LIX1: variants seen among roughly 807,000 people sequenced by gnomAD.
LIX1 encodes protein limb expression 1 homolog.
In LIX1, 24 loss-of-function variants were observed where a neutral mutation model predicts 33.4. The observed-to-expected ratio is 0.72, with a 90% CI of 0.52 to 1.01. LIX1 has a LOEUF of 1.01. Ranked by LOEUF, LIX1 falls within the 50% of genes least tolerant of loss-of-function variation. The pLI is 0.00. For synonymous variants in LIX1, 124 were observed against 124.0 expected (o/e 1.00, Z 0.00); for missense variants, 311 against 339.2 (o/e 0.92, Z 0.65).
rs754628104 is a variant in LIX1 at position 97,094,944 on chromosome 5, G to T, written c.653C>A (p.Pro218Gln). Residue 218 changes from proline to glutamine, a missense_variant, in exon 6 of 6, where the codon CCA (proline) becomes CAA (glutamine). Physicochemically the swap from Pro to Gln is moderately conservative, Grantham distance 76. Coordinates refer to ENST00000274382, the MANE Select transcript of LIX1 (RefSeq NM_153234.5). ...TCGTAGCTCTTGAGAGACAATTCCT[G>T]GTGAGTCCCGCTCCTTCATGATCCA... The part of the protein sequence containing the change: ...LDWIMKERDS[P>Q]GIVSQELRMA... 1 of 1,614,044 alleles carries T rather than the reference G, an allele frequency of 6.2e-7. No individual in the cohort carries two copies. The highest frequency in any genetic ancestry group is 8.5e-7 in the Non-Finnish European group (1 of 1,180,038).
chr5:97,111,343 G>A (rs1010889747), intron 2 of LIX1, among the ~76,000 whole-genome samples: 2 of 152,076 alleles, frequency 1.3e-5, no homozygotes, highest in African/African-American at 4.8e-5. Context: ...TTTTTTAAAT[G>A]AGCGCAATTT....
In LIX1 at chr5:97,091,909, T is replaced by G. The variant is rs866853445; in HGVS notation, c.*2839A>C. The G allele has an allele frequency of 2.6e-5, 4 of 152,502 alleles. 1 individual carries two copies. Among genetic ancestry groups the G allele is most frequent in the Middle Eastern group, 3.4e-3 (1 of 294 alleles). The allele number at this position is 152,502 out of a possible 1,614,324, so 9.4% of individuals were successfully genotyped here. A position where few individuals can be genotyped will look rare whatever the true frequency, so the allele number is the denominator to read the frequency against. On this transcript the variant is annotated 3_prime_UTR_variant, in exon 6 of 6. Transcript: ENST00000274382. The stretch of plus-strand genomic sequence containing the variant: ...ACGACTTTATTAAATCTGTACTTTC[T>G]GACCCATTTATCCAAGTTTAGTGAC...
At chr5:97,128,016 C>G (rs1747972599) in intron 1 of LIX1, among the ~76,000 whole-genome samples, 1 of 152,164 alleles carries the variant, frequency 6.6e-6, no homozygotes, top group African/African-American at 2.4e-5. Flanking sequence ...GTGCTCAAAA[C>G]AACTATTAAG....
chr5:97,109,741 C>A (rs187743267), intron 2 of LIX1, among the ~76,000 whole-genome samples: 2 of 151,792 alleles, frequency 1.3e-5, no homozygotes, highest in Non-Finnish European at 2.9e-5. Context: ...CCCTCACCCC[C>A]CTCCCAATCT....
At chr5:97,131,239 G>C (rs190279013) in intron 1 of LIX1, among the ~76,000 whole-genome samples, 130 of 147,136 alleles carry the variant, frequency 8.8e-4, no homozygotes, top group Admixed American at 7.3e-3. Context: ...CTGAACACAT[G>C]TTGCTTATTT....
At chr5:97,141,404 A>G (rs189207144) in intron 1 of LIX1, among the ~76,000 whole-genome samples, 1 of 152,380 alleles carries the variant, frequency 6.6e-6, no homozygotes, top group East Asian at 1.9e-4. Context: ...AGAGAGCTAG[A>G]GAAAGAAAAG....
At chr5:97,112,033 A>G (rs1580226992) in intron 2 of LIX1, among the ~76,000 whole-genome samples, 1 of 152,252 alleles carries the variant, frequency 6.6e-6, no homozygotes, top group Non-Finnish European at 1.5e-5. Flanking sequence ...TGAGCCATCA[A>G]AGGGCTTTTC....
chr5:97,094,504 T>C lies in LIX1; in HGVS notation c.*244A>G, dbSNP rs772799136. Reference sequence around the variant, plus strand: ...CTGGAAAATGTTTTTCAAACAATTTTGTGTCTATCCTTTCATCCTGAGCTG... The same window carrying C: ...CTGGAAAATGTTTTTCAAACAATTTCGTGTCTATCCTTTCATCCTGAGCTG... On this transcript the variant is annotated 3_prime_UTR_variant, in exon 6 of 6. Coordinates refer to ENST00000274382, the MANE Select transcript of LIX1 (RefSeq NM_153234.5). 1.9e-4 allele frequency: 94 copies of C among 482,724 alleles called. No homozygotes were observed. The highest frequency in any genetic ancestry group is 3.1e-4 in the Non-Finnish European group (85 of 273,804). 29.9% of individuals were successfully genotyped at this position (482,724 alleles called of 1,614,324 possible).
chr5:97,129,022 CT>C (rs1747995639), intron 1 of LIX1, among the ~76,000 whole-genome samples: 1 of 152,156 alleles, frequency 6.6e-6, no homozygotes, highest in Non-Finnish European at 1.5e-5. Context: ...TGAATAACTC[CT>C]TGGCAAGGCA....
intron 1 of LIX1, among the ~76,000 whole-genome samples, chr5:97,139,731 G>A (rs1003238143): frequency 6.6e-5 from 10 of 152,152 alleles, no homozygotes; most frequent in African/African-American, 2.4e-4. Context: ...TTCAAATTGG[G>A]AGTCCATCTT....
chr5:97,097,959 C>T (rs316188), intron 4 of LIX1, among the ~76,000 whole-genome samples: 3 of 152,008 alleles, frequency 2.0e-5, no homozygotes, highest in Non-Finnish European at 2.9e-5. Context: ...ATGACCAATC[C>T]ATTTTTGTCC....
At chr5:97,110,923 G>C (rs1747356345) in intron 2 of LIX1, among the ~76,000 whole-genome samples, 1 of 152,152 alleles carries the variant, frequency 6.6e-6, no homozygotes, top group African/African-American at 2.4e-5. Context: ...TAGGCAACTT[G>C]TATGAAACCA....
chr5:97,136,763 T>G (rs992141446), intron 1 of LIX1, among the ~76,000 whole-genome samples: 3 of 151,976 alleles, frequency 2.0e-5, no homozygotes, highest in African/African-American at 7.2e-5. Flanking sequence ...ACCGAAACCA[T>G]AATTCAAACA....
Position 97,094,905 on chromosome 5 carries a change from T to G in LIX1, c.692A>C (p.Gln231Pro). The G allele has an allele frequency of 1.2e-6, 2 of 1,614,182 alleles. No individual in the cohort carries two copies. The highest frequency in any genetic ancestry group is 1.7e-6 in the Non-Finnish European group (2 of 1,180,020). Residue 231 changes from glutamine to proline, a missense_variant, in exon 6 of 6, where the codon CAG becomes CCG. Transcript: ENST00000274382. ...VSQELRMALR[Q>P]LEEARKAGQE... ...TCCTGCTTTCCTGGCTTCCTCCAAC[T>G]GCCTCAGGGCCATTCGTAGCTCTTG...
chr5:97,100,854 T>A (rs1746655288), intron 4 of LIX1, among the ~76,000 whole-genome samples: 2 of 151,472 alleles, frequency 1.3e-5, no homozygotes, highest in Non-Finnish European at 2.9e-5. Flanking sequence ...ATCATGAGTT[T>A]GTGCCCAGCC....
intron 1 of LIX1, among the ~76,000 whole-genome samples, chr5:97,139,577 G>A (rs187952456): frequency 6.6e-6 from 1 of 152,212 alleles, no homozygotes; most frequent in Admixed American, 6.5e-5. Context: ...ATTGCACAAA[G>A]CCAAGAATGG....
intron 1 of LIX1, among the ~76,000 whole-genome samples, chr5:97,135,109 A>G (rs1389129339): frequency 6.6e-6 from 1 of 152,198 alleles, no homozygotes; most frequent in Non-Finnish European, 1.5e-5. Flanking sequence ...TGTTTTACAA[A>G]GTTAACCTCT....
At chr5:97,140,330 A>G (rs188551131) in intron 1 of LIX1, among the ~76,000 whole-genome samples, 1 of 152,332 alleles carries the variant, frequency 6.6e-6, no homozygotes, top group Admixed American at 6.5e-5. Context: ...AAAGTAAGGT[A>G]GCAATTTTTC....
intron 2 of LIX1, among the ~76,000 whole-genome samples, chr5:97,119,605 T>C (rs1264197918): frequency 6.6e-6 from 1 of 152,190 alleles, no homozygotes; most frequent in Non-Finnish European, 1.5e-5. Flanking sequence ...TAAGCAAAGA[T>C]GTTAACAGTC....
Sources: gnomAD v4.1 joint callset for allele counts (sites outside exome capture counted in the v4.1 genomes callset) on GRCh38, gnomAD v4.1.1 for gene constraint, MANE v1.5 for transcripts, NCBI Gene and HGNC (gene_info 2026-07-23, HGNC 2026-07-21) for gene names.